The following GABRB3 variants were observed in gnomAD, a reference collection of about 807,000 sequenced individuals.
GABRB3 encodes gamma-aminobutyric acid type A receptor subunit beta3, also known as gamma-aminobutyric acid receptor subunit beta-3.
A neutral mutation model predicts 52.1 loss-of-function variants in GABRB3; 14 were observed. That is an observed-to-expected ratio of 0.27 (90% CI 0.18 to 0.42). GABRB3 has a LOEUF of 0.42. Among genes scored for constraint, GABRB3 ranks in the 10% least tolerant of loss-of-function variants. The pLI, the probability that GABRB3 is intolerant of heterozygous loss-of-function variation, is 1.00. For missense variants in GABRB3, 307 were observed against 609.1 expected, an observed-to-expected ratio of 0.50 and a Z score of 5.22; for synonymous variants, 260 against 232.3, an observed-to-expected ratio of 1.12 and a Z score of -1.08.
chr15:26,615,364 C>T (rs1892216997), intron 4 of GABRB3: 1 of 985,500 alleles, frequency 1.0e-6, no homozygotes, highest in African/African-American at 1.7e-5. Flanking sequence ...TCTCCCATCA[C>T]ATGCTGACAA....
chr15:26,639,808 T>C (rs1173305171), intron 3 of GABRB3, among the ~76,000 whole-genome samples: 1 of 152,234 alleles, frequency 6.6e-6, no homozygotes, highest in Non-Finnish European at 1.5e-5. Context: ...ATTCCTCTAA[T>C]ATCTGCTCCT....
intron 3 of GABRB3, among the ~76,000 whole-genome samples, chr15:26,637,474 T>C (rs116115871): frequency 2.0e-5 from 3 of 152,348 alleles, no homozygotes; most frequent in Middle Eastern, 3.4e-3. Flanking sequence ...TCTCTTTGGT[T>C]CGTAGATGTA....
At chr15:26,605,548 T>C (rs1891757096) in intron 4 of GABRB3, among the ~76,000 whole-genome samples, 1 of 152,162 alleles carries the variant, frequency 6.6e-6, no homozygotes, top group Non-Finnish European at 1.5e-5. Flanking sequence ...AAAGAAAATG[T>C]TGTACTTACA....
intron 3 of GABRB3, among the ~76,000 whole-genome samples, chr15:26,642,178 C>T (rs186790857): frequency 6.6e-6 from 1 of 152,328 alleles, no homozygotes; most frequent in Non-Finnish European, 1.5e-5. Flanking sequence ...CAGGCATAAG[C>T]CACCAAGCCT....
rs2140636217 is a variant in GABRB3, at chr15:26,544,066, A to AGT, written c.*3725_*3726dup. ...TCTAATGGCTCACACTGACAGCCAG[A>AGT]GTCAATTCCAAGAGTAACAAAATGT... is the stretch of plus-strand genomic sequence containing the variant. On this transcript the variant is annotated 3_prime_UTR_variant, in exon 9 of 9. Transcript: ENST00000311550. 6.6e-6 allele frequency: 1 copy of AGT among 152,656 alleles called. No homozygotes were observed. Among genetic ancestry groups the AGT allele is most frequent in the South Asian group, 2.1e-4 (1 of 4,832 alleles). 9.5% of individuals were successfully genotyped at this position (152,656 alleles called of 1,614,324 possible).
intron 4 of GABRB3, among the ~76,000 whole-genome samples, chr15:26,606,403 T>TA (rs1261675176): frequency 1.3e-5 from 2 of 152,126 alleles, no homozygotes; most frequent in African/African-American, 2.4e-5. Flanking sequence ...ATATCTCATG[T>TA]ATCCCATGAA....
At chr15:26,732,270 ATGGATGAATAGATGGATGGATAGATG>A (rs1327416146) in intron 3 of GABRB3, among the ~76,000 whole-genome samples, 10 of 150,772 alleles carry the variant, frequency 6.6e-5, no homozygotes, top group African/African-American at 2.4e-4. Context: ...GGATGGATGG[ATGGATGAATAGATGGATGGATAGATG>A]GATGGATGGA....
In GABRB3 at chr15:26,567,654, A is replaced by G; in HGVS notation, c.762T>C (p.Ser254=). 6.2e-7 allele frequency: 1 copy of G among 1,614,182 alleles called. No individual in the cohort carries two copies. The highest frequency in any genetic ancestry group is 1.1e-5 in the South Asian group (1 of 91,088). The change falls in exon 7 of 9, where the codon TCT becomes TCC. Residue 254 remains serine, a synonymous_variant. Coordinates refer to ENST00000311550, the MANE Select transcript of GABRB3 (RefSeq NM_000814.6). ...GYFILQTYMP[S]ILITILSWVS... ...CCCACGACAGAATCGTTATCAGTAT[A>G]GAGGGCATATAAGTCTGAAGAATGA...
intron 3 of GABRB3, among the ~76,000 whole-genome samples, chr15:26,761,787 G>A (rs1274452315): frequency 6.6e-6 from 1 of 152,020 alleles, no homozygotes; most frequent in Non-Finnish European, 1.5e-5. Flanking sequence ...TATTGTTGAC[G>A]CCTCTTGCAC....
chr15:26,575,480 G>C (rs778462479), intron 6 of GABRB3, among the ~76,000 whole-genome samples: 4 of 152,110 alleles, frequency 2.6e-5, no homozygotes, highest in Non-Finnish European at 5.9e-5. Context: ...AAGACAGATG[G>C]TAATTCTTCC....
chr15:26,654,512 T>C (rs1887303696), intron 3 of GABRB3, among the ~76,000 whole-genome samples: 1 of 150,274 alleles, frequency 6.7e-6, no homozygotes, highest in Non-Finnish European at 1.5e-5. Context: ...CCCAGCACTT[T>C]GGGAGGCCGA....
intron 3 of GABRB3, among the ~76,000 whole-genome samples, chr15:26,642,047 G>A (rs1893215999): frequency 6.6e-6 from 1 of 151,914 alleles, no homozygotes; most frequent in Non-Finnish European, 1.5e-5. Flanking sequence ...TCACCTCTGT[G>A]CCCAGTTAAT....
chr15:26,675,656 T>C (rs1197934281), intron 3 of GABRB3, among the ~76,000 whole-genome samples: 1 of 151,678 alleles, frequency 6.6e-6, no homozygotes, highest in East Asian at 1.9e-4. Flanking sequence ...CAAGGAAAGG[T>C]GGGAATTTAT....
At position 26,599,401 on chromosome 15, in the gene GABRB3, C is replaced by A. The variant is rs115067109; in HGVS notation, c.462-15987G>T. Among the ~76,000 whole-genome samples, 777 of 152,296 alleles carry A rather than the reference C, an allele frequency of 5.1e-3. 10 individuals are homozygous for A. The highest frequency in any genetic ancestry group is 0.018 in the African/African-American group (755 of 41,554). ...ATCCTAAACAGTGACCCCACCTAAA[C>A]TCAGGGCCTGGCCTGCAGCCCTGCT... On this transcript the variant is annotated intron_variant, in intron 4 of 8. Coordinates refer to ENST00000311550, the MANE Select transcript of GABRB3 (RefSeq NM_000814.6).
intron 4 of GABRB3, chr15:26,615,211 T>C (rs1892211038): frequency 1.1e-6 from 1 of 871,994 alleles, no homozygotes; most frequent in Non-Finnish European, 1.4e-6. Context: ...AGAAAAGCTG[T>C]GACTGGGACA....
intron 3 of GABRB3, among the ~76,000 whole-genome samples, chr15:26,659,696 G>A (rs192481450): frequency 6.6e-6 from 1 of 152,282 alleles, no homozygotes; most frequent in Admixed American, 6.5e-5. Context: ...AGATGGAAAT[G>A]AGGAAGAAAT....
chr15:26,658,808 A>G (rs1466575160), intron 3 of GABRB3: 1 of 152,250 alleles, frequency 6.6e-6, no homozygotes, highest in Non-Finnish European at 1.5e-5. Flanking sequence ...GAAATTGGCC[A>G]TTTTGATTGC....
At chr15:26,605,985 A>G (rs1487124421) in intron 4 of GABRB3, among the ~76,000 whole-genome samples, 1 of 152,142 alleles carries the variant, frequency 6.6e-6, no homozygotes, top group African/African-American at 2.4e-5. Context: ...TGGTCAGAAC[A>G]TGGGGAAGAG....
At chr15:26,768,018 CA>C (rs3917082) in intron 3 of GABRB3, among the ~76,000 whole-genome samples, 26,687 of 151,946 alleles carry the variant, frequency 0.18, 2,758 homozygotes, top group Admixed American at 0.32. Flanking sequence ...CACACCTACA[CA>C]TTAAAAAAAT....
Sources: gnomAD v4.1 joint callset for allele counts (sites outside exome capture counted in the v4.1 genomes callset) on GRCh38, gnomAD v4.1.1 for gene constraint, MANE v1.5 for transcripts, NCBI Gene and HGNC (gene_info 2026-07-23, HGNC 2026-07-21) for gene names.